KCNG3: variants seen among roughly 807,000 people sequenced by gnomAD.
KCNG3 encodes the protein potassium voltage-gated channel modifier subfamily G member 3, also known as voltage-gated potassium channel regulatory subunit KCNG3.
In KCNG3, 15 loss-of-function variants were observed where a neutral mutation model predicts 29.0. The ratio of observed to expected loss-of-function variants is 0.52; its 90% CI spans 0.35 to 0.80. The LOEUF is 0.80. Ranked by LOEUF, KCNG3 falls within the 30% of genes least tolerant of loss-of-function variation. The probability of loss-of-function intolerance (pLI) is 0.01; values close to 1 mark genes in which losing one functional copy is unlikely to be tolerated. For synonymous variants in KCNG3, 322 were observed against 248.9 expected, an observed-to-expected ratio of 1.29 and a Z score of -2.76; for missense variants, 512 against 605.7, an observed-to-expected ratio of 0.85 and a Z score of 1.62.
the KCNG3 span, among the ~76,000 whole-genome samples, chr2:42,435,252 G>C: frequency 6.6e-6 from 1 of 152,154 alleles, no homozygotes; most frequent in Non-Finnish European, 1.5e-5. Flanking sequence ...GCAGTGAGCC[G>C]AGATCGCCCC....
At chr2:42,451,930 A>G (rs1169566683) in intron 1 of KCNG3, among the ~76,000 whole-genome samples, 2 of 152,008 alleles carry the variant, frequency 1.3e-5, no homozygotes, top group African/African-American at 4.8e-5. Context: ...CAACAACAAC[A>G]AAGATACAAT....
chr2:42,453,925 A>G (rs1439276095), intron 1 of KCNG3, among the ~76,000 whole-genome samples: 1 of 152,096 alleles, frequency 6.6e-6, no homozygotes, highest in Non-Finnish European at 1.5e-5. Context: ...TTGCATATGG[A>G]TGTCCAGTTT....
the KCNG3 span, among the ~76,000 whole-genome samples, chr2:42,411,235 T>A: frequency 6.6e-6 from 1 of 152,234 alleles, no homozygotes; most frequent in East Asian, 1.9e-4. Context: ...ATTGATTTAC[T>A]TTTTTCAATT....
chr2:42,432,267 T>C, the KCNG3 span, among the ~76,000 whole-genome samples: 1 of 152,152 alleles, frequency 6.6e-6, no homozygotes, highest in African/African-American at 2.4e-5. Flanking sequence ...AACCCAAAAC[T>C]TTTCCTAGGG....
chr2:42,391,330 G>A, the KCNG3 span, among the ~76,000 whole-genome samples: 21 of 152,264 alleles, frequency 1.4e-4, no homozygotes, highest in Non-Finnish European at 2.6e-4. Context: ...AGGGCAAAGT[G>A]ACCTACCTGG....
intron 1 of KCNG3, among the ~76,000 whole-genome samples, chr2:42,450,696 G>A (rs901199935): frequency 2.6e-5 from 4 of 152,082 alleles, no homozygotes; most frequent in Non-Finnish European, 5.9e-5. Context: ...ACATCATCTC[G>A]TCTGATCCCT....
At chr2:42,478,020 G>T (rs1218909697) in intron 1 of KCNG3, among the ~76,000 whole-genome samples, 1 of 152,098 alleles carries the variant, frequency 6.6e-6, no homozygotes, top group Admixed American at 6.6e-5. Context: ...TTGGAATTGT[G>T]AAAGGAGAGC....
rs972107875 is a variant in KCNG3, at chr2:42,493,866, G to A, written c.-365C>T. On this transcript the variant is annotated 5_prime_UTR_variant, in exon 1 of 2. Transcript: ENST00000306078. ...TCCCAAGCCGCGGGGCCGACCCCCT[G>A]AGGGCTGCGGGCGCCGAATGGAGCC... is the stretch of plus-strand genomic sequence containing the variant. 3.9e-4 allele frequency: 72 copies of A among 186,276 alleles called. No individual in the cohort carries two copies. Among genetic ancestry groups the A allele is most frequent in the Admixed American group, 9.9e-4 (16 of 16,136 alleles). 11.5% of individuals were successfully genotyped at this position (186,276 alleles called of 1,614,324 possible).
chr2:42,415,975 G>A, the KCNG3 span, among the ~76,000 whole-genome samples: 5 of 152,136 alleles, frequency 3.3e-5, no homozygotes, highest in East Asian at 1.9e-4. Flanking sequence ...TGGGTGGATC[G>A]TTTGAGGTCA....
the KCNG3 span, among the ~76,000 whole-genome samples, chr2:42,432,260 C>T: frequency 6.6e-6 from 1 of 152,072 alleles, no homozygotes; most frequent in African/African-American, 2.4e-5. Context: ...ACAAGAAAAC[C>T]CAAAACTTTT....
intron 1 of KCNG3, among the ~76,000 whole-genome samples, chr2:42,451,075 G>C (rs989563342): frequency 6.0e-5 from 9 of 151,220 alleles, no homozygotes; most frequent in African/African-American, 2.2e-4. Flanking sequence ...CATGGTGGCA[G>C]GCGCCTGTAA....
At chr2:42,476,975 G>A (rs534061117) in intron 1 of KCNG3, among the ~76,000 whole-genome samples, 13 of 147,654 alleles carry the variant, frequency 8.8e-5, no homozygotes, top group African/African-American at 2.2e-4. Flanking sequence ...CACGAGGTCC[G>A]GAGATCGAGA....
In KCNG3 at chr2:42,493,088, G is replaced by T. The variant is rs1393217465; in HGVS notation, c.414C>A (p.Asp138Glu). The stretch of plus-strand genomic sequence containing the variant: ...CCTCGGCCCCGCCGGGGCGCGCCTC[G>T]TCGCGGCCCAGCACGCCCGGCTCGT... ...SADEPGVLGR[D>E]EARPGGAEAA... Residue 138 changes from aspartate (D) to glutamate (E), a missense_variant, in exon 1 of 2, where the codon GAC (aspartate) becomes GAA (glutamate). Coordinates refer to ENST00000306078, the MANE Select transcript of KCNG3 (RefSeq NM_133329.6). 3.8e-6 allele frequency: 6 copies of T among 1,567,766 alleles called. No individual in the cohort carries two copies. Among genetic ancestry groups the T allele is most frequent in the Non-Finnish European group, 5.2e-6 (6 of 1,161,668 alleles).
intron 1 of KCNG3, among the ~76,000 whole-genome samples, chr2:42,466,758 T>C (rs1320811381): frequency 6.6e-6 from 1 of 151,300 alleles, no homozygotes; most frequent in East Asian, 1.9e-4. Flanking sequence ...TCTTCCTTTT[T>C]TTTTTTTTTT....
chr2:42,457,826 A>C (rs1672917602), intron 1 of KCNG3, among the ~76,000 whole-genome samples: 2 of 151,872 alleles, frequency 1.3e-5, no homozygotes, highest in Admixed American at 1.3e-4. Context: ...TAAAAAAAAA[A>C]AGAAATGTAC....
chr2:42,399,201 C>T, the KCNG3 span, among the ~76,000 whole-genome samples: 10 of 151,874 alleles, frequency 6.6e-5, no homozygotes, highest in African/African-American at 2.2e-4. Context: ...GGACCATAGG[C>T]ATATGTCACC....
the KCNG3 span, among the ~76,000 whole-genome samples, chr2:42,399,315 T>C: frequency 6.6e-6 from 1 of 152,166 alleles, no homozygotes; most frequent in Non-Finnish European, 1.5e-5. Flanking sequence ...TGCCTCAGCC[T>C]CTCGAAGTGC....
chr2:42,453,662 T>C (rs1399444265), intron 1 of KCNG3, among the ~76,000 whole-genome samples: 1 of 152,204 alleles, frequency 6.6e-6, no homozygotes, highest in Non-Finnish European at 1.5e-5. Context: ...GTGGGTTGTC[T>C]CTTCACTTTG....
At chr2:42,476,688 C>T (rs1194055639) in intron 1 of KCNG3, among the ~76,000 whole-genome samples, 1 of 147,634 alleles carries the variant, frequency 6.8e-6, no homozygotes, top group Non-Finnish European at 1.5e-5. Flanking sequence ...CGGGGTTTCA[C>T]CATGTTGGCC....
Sources: gnomAD v4.1 joint callset for allele counts (sites outside exome capture counted in the v4.1 genomes callset) on GRCh38, gnomAD v4.1.1 for gene constraint, MANE v1.5 for transcripts, NCBI Gene and HGNC (gene_info 2026-07-23, HGNC 2026-07-21) for gene names.